Variants in CAPN2 observed in about 807,000 individuals in gnomAD.
CAPN2 encodes the protein calpain-2 catalytic subunit.
Under a neutral mutation model 102.3 loss-of-function variants are expected in CAPN2, and 92 were observed. The observed-to-expected ratio is 0.90, with a 90% CI of 0.76 to 1.07. The LOEUF (loss-of-function observed/expected upper bound fraction) is 1.07, where lower values mean the gene tolerates loss of function less well. CAPN2 is among the 50% of genes least tolerant of loss of function. The probability of loss-of-function intolerance (pLI) is 0.00; values close to 1 mark genes in which losing one functional copy is unlikely to be tolerated. For synonymous variants in CAPN2, 340 were observed against 355.4 expected (o/e 0.96, Z 0.49); for missense variants, 800 against 909.4 (o/e 0.88, Z 1.55).
chr1:223,735,385 G>T (rs1660428358), intron 2 of CAPN2, among the ~76,000 whole-genome samples: 1 of 151,998 alleles, frequency 6.6e-6, no homozygotes, highest in Admixed American at 6.5e-5. Context: ...AAAATTAGCT[G>T]GGCATGGTGG....
intron 16 of CAPN2, among the ~76,000 whole-genome samples, chr1:223,768,249 A>T (rs1661386551): frequency 2.7e-5 from 4 of 148,620 alleles, no homozygotes; most frequent in South Asian, 2.2e-4. Flanking sequence ...GGTGTTTTAG[A>T]CATGAAGTCC....
At chr1:223,764,025 G>C (rs764080280) in intron 14 of CAPN2, 125 bp from the exon 15 acceptor site, 21 of 744,754 alleles carry the variant, frequency 2.8e-5, no homozygotes, top group Non-Finnish European at 4.9e-5. Context: ...CATGGCTCGG[G>C]GGCTTGTTAG....
At chr1:223,717,998 C>A (rs1355556173) in intron 2 of CAPN2, among the ~76,000 whole-genome samples, 167 bp downstream of exon 2, 2 of 152,246 alleles carry the variant, frequency 1.3e-5, no homozygotes, top group Admixed American at 6.5e-5. Flanking sequence ...TGATTCTACC[C>A]TCAGCCCCAT....
At position 223,726,004 on chromosome 1, in the gene CAPN2, C is replaced by T. The variant is rs189633469; in HGVS notation, c.307+8173C>T. On this transcript the variant is annotated intron_variant, in intron 2 of 20. Transcript: ENST00000295006. The surrounding 1 kb of genome is among the most constrained non-coding windows in gnomAD (Gnocchi z 4.4). ...GGCCTCGTGGGTTTCCTCCGTCTCT[C>T]GGGAGACCAGGATCCGAGTGAGAAA... is the stretch of plus-strand genomic sequence containing the variant. Among the ~76,000 whole-genome samples the T allele has an allele frequency of 1.1e-3, 167 of 152,226 alleles. No individual in the cohort carries two copies. The highest frequency in any genetic ancestry group is 6.8e-3 in the Middle Eastern group (2 of 294).
chr1:223,743,709 G>A (rs1222138), intron 2 of CAPN2, among the ~76,000 whole-genome samples: 119,786 of 152,072 alleles, frequency 0.79, 49,202 homozygotes, highest in South Asian at 0.94. Context: ...AGCCTCTGCA[G>A]CTGCGCTGGT....
upstream of CAPN2, among the ~76,000 whole-genome samples, chr1:223,709,793 G>A (rs11801434): frequency 0.027 from 4,046 of 152,268 alleles, 68 homozygotes; most frequent in Non-Finnish European, 0.043. Flanking sequence ...TATGCAACTA[G>A]ACAAAAAACT....
In CAPN2 at chr1:223,771,814, A is replaced by C. The variant is rs765563013; in HGVS notation, c.1909A>C (p.Lys637Gln). ...MRKALEEAGF[K>Q]MPCQLHQVIV... ...GTTTGTTCATGTAACTTCAGGTTTC[A>C]AGATGCCCTGTCAACTCCACCAAGT... Residue 637 changes from lysine to glutamine, a missense_variant, in exon 19 of 21, where the codon AAG becomes CAG. By Grantham distance (53) the Lys-to-Gln change is moderately conservative. Coordinates refer to ENST00000295006, the MANE Select transcript of CAPN2 (RefSeq NM_001748.5). 1.9e-6 allele frequency: 3 copies of C among 1,607,708 alleles called. No homozygotes were observed. Among genetic ancestry groups the C allele is most frequent in the Non-Finnish European group, 2.6e-6 (3 of 1,174,056 alleles).
At chr1:223,757,245 G>A (rs577962494) in intron 10 of CAPN2, 124 bp from the exon 11 acceptor site, 26 of 1,052,116 alleles carry the variant, frequency 2.5e-5, no homozygotes, top group Middle Eastern at 2.0e-4. Context: ...ACAGTTACTC[G>A]GTTGAATTAG....
rs547196428 is a variant in CAPN2, at chr1:223,752,060, T to C, written c.963T>C (p.Asp321=). 1.2e-6 allele frequency: 2 copies of C among 1,610,392 alleles called. No homozygotes were observed. The highest frequency in any genetic ancestry group is 2.2e-5 in the South Asian group (2 of 91,004). Residue 321 remains aspartate (D), a synonymous_variant, in exon 8 of 21, where the codon GAT becomes GAC. Coordinates refer to ENST00000295006, the MANE Select transcript of CAPN2 (RefSeq NM_001748.5). ...ERERLTRRHE[D]GEFWMSFSDF... ...AAAGGCTGACCAGACGGCATGAAGA[T>C]GGAGAATTCTGGTAAGATTAGTGGA...
upstream of CAPN2, among the ~76,000 whole-genome samples, chr1:223,709,731 G>A (rs1160444463): frequency 6.6e-6 from 1 of 151,870 alleles, no homozygotes; most frequent in South Asian, 2.1e-4. Context: ...CTGGTTCAAA[G>A]GAGAAACCAA....
Position 223,774,862 on chromosome 1 carries a change from A to T in CAPN2, c.*5A>T, listed in dbSNP as rs774583501. 1.4e-5 allele frequency: 22 copies of T among 1,612,688 alleles called. No individual in the cohort carries two copies. The highest frequency in any genetic ancestry group is 1.9e-5 in the Non-Finnish European group (22 of 1,179,220). On this transcript the variant is annotated 3_prime_UTR_variant, in exon 21 of 21. Coordinates refer to ENST00000295006, the MANE Select transcript of CAPN2 (RefSeq NM_001748.5). The stretch of plus-strand genomic sequence containing the variant: ...CTCTGTTTCTCAGTACTTTGAAGTT[A>T]TAACTAATCTGCCTGAAGACTTCTC...
At chr1:223,744,260 G>A in intron 3 of CAPN2, 42 bp downstream of exon 3, 2 of 1,275,762 alleles carry the variant, frequency 1.6e-6, no homozygotes, top group South Asian at 1.2e-5. Context: ...AACAGGTCCA[G>A]GGGGCTAGGA....
chr1:223,759,240 T>G lies in CAPN2; in HGVS notation c.1318-30T>G. On this transcript the variant is annotated intron_variant, in intron 11 of 20. Transcript: ENST00000295006. The surrounding 1 kb of genome is among the most constrained non-coding windows in gnomAD (Gnocchi z 4.6). ...ACTTGCCTGGAGGCTTCCCCTCATC[T>G]ACCCCCATGTTTCTCTATTTATTCC... 2 of 1,590,364 alleles carry G rather than the reference T, an allele frequency of 1.3e-6. No individual in the cohort carries two copies. Among genetic ancestry groups the G allele is most frequent in the Non-Finnish European group, 1.7e-6 (2 of 1,158,488 alleles).
In CAPN2 at chr1:223,759,285, A is replaced by G; in HGVS notation, c.1333A>G (p.Asn445Asp). 6.2e-7 allele frequency: 1 copy of G among 1,614,182 alleles called. No homozygotes were observed. The highest frequency in any genetic ancestry group is 8.5e-7 in the Non-Finnish European group (1 of 1,180,034). The part of the protein sequence containing the change: ...EVPEELSGQT[N>D]IHLSKNFFLT... ...TATTCCTCAGTTAAGTGGGCAGACC[A>G]ACATCCACCTCAGCAAAAACTTCTT... is the stretch of plus-strand genomic sequence containing the variant. Residue 445 changes from asparagine to aspartate, a missense_variant, in exon 12 of 21, where the codon AAC (asparagine) becomes GAC (aspartate). By Grantham distance (23) the Asn-to-Asp change is conservative. Coordinates refer to ENST00000295006, the MANE Select transcript of CAPN2 (RefSeq NM_001748.5). This position sits in a 1 kb window ranked among gnomAD's most constrained non-coding sequence, Gnocchi z 4.6.
At chr1:223,762,912 C>T (rs555982273) in intron 14 of CAPN2, among the ~76,000 whole-genome samples, 4 of 152,144 alleles carry the variant, frequency 2.6e-5, no homozygotes, top group African/African-American at 9.6e-5. Context: ...TGCTCTGGAA[C>T]TCCTGGGCTC....
At position 223,774,868 on chromosome 1, in the gene CAPN2, A is replaced by C; in HGVS notation, c.*11A>C. The C allele has an allele frequency of 6.2e-7, 1 of 1,611,802 alleles. No individual in the cohort carries two copies. Among genetic ancestry groups the C allele is most frequent in the Non-Finnish European group, 8.5e-7 (1 of 1,178,302 alleles). On this transcript the variant is annotated 3_prime_UTR_variant, in exon 21 of 21. Transcript: ENST00000295006. ...TTCTCAGTACTTTGAAGTTATAACT[A>C]ATCTGCCTGAAGACTTCTCATGATG...
chr1:223,752,753 G>T, intron 8 of CAPN2, 43 bp from the exon 9 acceptor site: 1 of 1,605,180 alleles, frequency 6.2e-7, no homozygotes, highest in Admixed American at 1.7e-5. Flanking sequence ...GCTTACCAGT[G>T]TGTCTTCTTA....
intron 16 of CAPN2, among the ~76,000 whole-genome samples, 168 bp downstream of exon 16, chr1:223,766,599 C>T (rs925390168): frequency 6.6e-6 from 1 of 152,130 alleles, no homozygotes; most frequent in Non-Finnish European, 1.5e-5. Context: ...TAGGGAAATG[C>T]GAGAACCCTC....
Position 223,764,181 on chromosome 1 carries a change from C to G in CAPN2, c.1664C>G (p.Thr555Ser), listed in dbSNP as rs777512249. Reference protein sequence around the residue: ...DAEISAFELQTILRRVLAKRQ... With the variant: ...DAEISAFELQSILRRVLAKRQ... Reference sequence around the variant, plus strand: ...GAGATCTCTGCCTTTGAGCTGCAGACCATCCTGAGAAGGGTTCTAGCAAAG... The same window carrying G: ...GAGATCTCTGCCTTTGAGCTGCAGAGCATCCTGAGAAGGGTTCTAGCAAAG... Residue 555 changes from threonine to serine, a missense_variant, in exon 15 of 21, where the codon ACC (threonine) becomes AGC (serine). By Grantham distance (58) the Thr-to-Ser change is moderately conservative. Transcript: ENST00000295006. 2.5e-6 allele frequency: 4 copies of G among 1,613,852 alleles called. No individual in the cohort carries two copies. Among genetic ancestry groups the G allele is most frequent in the Admixed American group, 1.7e-5 (1 of 60,000 alleles).
Sources: gnomAD v4.1 joint callset for allele counts (sites outside exome capture counted in the v4.1 genomes callset) on GRCh38, gnomAD v4.1.1 for gene constraint, Gnocchi (gnomAD v3.1) non-coding constraint, MANE v1.5 for transcripts, NCBI Gene and HGNC (gene_info 2026-07-23, HGNC 2026-07-21) for gene names.